Variants in ABCC11 observed in about 807,000 individuals in gnomAD.
ABCC11 encodes the protein ATP-binding cassette sub-family C member 11.
A neutral mutation model predicts 149.3 loss-of-function variants in ABCC11; 135 were observed. The ratio of observed to expected loss-of-function variants is 0.90; its 90% confidence interval spans 0.79 to 1.04. ABCC11 has a LOEUF of 1.04. Among genes scored for constraint, ABCC11 ranks in the 50% least tolerant of loss-of-function variants. The pLI is 0.00. For missense variants in ABCC11, 1,680 were observed against 1,722.1 expected (o/e 0.98, Z 0.43); for synonymous variants, 665 against 671.4 (o/e 0.99, Z 0.15).
At chr16:48,172,617 A>G (rs2150719328) in intron 26 of ABCC11, among the ~76,000 whole-genome samples, 1 of 152,264 alleles carries the variant, frequency 6.6e-6, no homozygotes, top group Admixed American at 6.5e-5. Context: ...TTTTTGAGGA[A>G]TTGCCAAATT....
chr16:48,222,575 A>G, intron 6 of ABCC11, 23 bp downstream of exon 6: 1 of 1,600,682 alleles, frequency 6.2e-7, no homozygotes. Context: ...CATGGCCCAG[A>G]ATAGGCAGTC....
At chr16:48,224,235 C>A (rs1421536996) in intron 5 of ABCC11, 47 bp downstream of exon 5, 35 of 1,593,318 alleles carry the variant, frequency 2.2e-5, no homozygotes, top group Non-Finnish European at 2.7e-5. Context: ...CATCGCTAAA[C>A]CTCTGAAGCC....
At chr16:48,217,152 T>C (rs1969399605) in intron 6 of ABCC11, among the ~76,000 whole-genome samples, 2 of 152,194 alleles carry the variant, frequency 1.3e-5, no homozygotes, top group Non-Finnish European at 2.9e-5. Flanking sequence ...CCCCTTTTGC[T>C]TGGTAACACC....
rs370646602 is a variant in ABCC11 at position 48,200,481 on chromosome 16, T to C, written c.1879-2A>G. The C allele has an allele frequency of 4.3e-6, 7 of 1,613,670 alleles. No homozygotes were observed. The highest frequency in any genetic ancestry group is 3.3e-5 in the Admixed American group (2 of 59,968). On this transcript the variant is annotated splice_acceptor_variant, in intron 14 of 29. Coordinates refer to ENST00000356608, the MANE Select transcript of ABCC11 (RefSeq NM_001370497.1). LOFTEE classifies it high-confidence loss of function. ...GAGGTTGAGGCCCCGCTCTCCAATCTGCAGACAGGCAGTAAAAGGCACCAT... is the reference window on the plus strand; with the variant it reads ...GAGGTTGAGGCCCCGCTCTCCAATCCGCAGACAGGCAGTAAAAGGCACCAT...
At chr16:48,214,804 G>T in intron 9 of ABCC11, 77 bp downstream of exon 9, 11 of 1,571,542 alleles carry the variant, frequency 7.0e-6, no homozygotes, top group Non-Finnish European at 9.6e-6. Flanking sequence ...AGACCTTTGA[G>T]GGGCATGGCT....
intron 1 of ABCC11, among the ~76,000 whole-genome samples, chr16:48,239,702 T>C (rs1970867431): frequency 6.6e-6 from 1 of 152,054 alleles, no homozygotes; most frequent in Non-Finnish European, 1.5e-5. Flanking sequence ...CTAAAGAGCT[T>C]CTGCACAGCA....
intron 4 of ABCC11, among the ~76,000 whole-genome samples, chr16:48,225,387 G>T (rs930294353): frequency 1.3e-5 from 2 of 152,192 alleles, no homozygotes; most frequent in African/African-American, 4.8e-5. Flanking sequence ...CTCTTGAGCT[G>T]CATTTTAATC....
At chr16:48,213,799 C>A (rs1056901811) in intron 9 of ABCC11, among the ~76,000 whole-genome samples, 1 of 152,166 alleles carries the variant, frequency 6.6e-6, no homozygotes, top group Non-Finnish European at 1.5e-5. Context: ...GGGCAGGTTG[C>A]CCCTACCACA....
Position 48,167,151 on chromosome 16 carries a change from A to G in ABCC11, c.*123T>C. On this transcript the variant is annotated 3_prime_UTR_variant, in exon 30 of 30. Coordinates refer to ENST00000356608, the MANE Select transcript of ABCC11 (RefSeq NM_001370497.1). ...AGCAATCCCCACCCCCCCTACATTT[A>G]CCCCTGCTTCCAGGAGAAGTTCTCA... is the stretch of plus-strand genomic sequence containing the variant. 2.6e-6 allele frequency: 1 copy of G among 378,042 alleles called. No homozygotes were observed. Among genetic ancestry groups the G allele is most frequent in the Non-Finnish European group, 5.3e-6 (1 of 188,120 alleles). 23.4% of individuals were successfully genotyped at this position (378,042 alleles called of 1,614,324 possible).
chr16:48,174,866 C>T (rs1965941681), intron 26 of ABCC11, among the ~76,000 whole-genome samples: 1 of 151,992 alleles, frequency 6.6e-6, no homozygotes, highest in Non-Finnish European at 1.5e-5. Flanking sequence ...TGTTGTGTTG[C>T]CCAGGTTGGA....
intron 1 of ABCC11, among the ~76,000 whole-genome samples, chr16:48,246,749 A>T (rs1028811872): frequency 2.6e-5 from 4 of 151,864 alleles, no homozygotes; most frequent in African/African-American, 9.7e-5. Context: ...TAATTTTTAA[A>T]TTTTTTGTAG....
chr16:48,180,625 A>G (rs1324490484), intron 23 of ABCC11, among the ~76,000 whole-genome samples: 1 of 152,180 alleles, frequency 6.6e-6, no homozygotes, highest in Non-Finnish European at 1.5e-5. Flanking sequence ...CCTGCCTCCC[A>G]ATGCTCGAAT....
At chr16:48,173,194 A>G (rs183753419) in intron 26 of ABCC11, among the ~76,000 whole-genome samples, 2 of 152,280 alleles carry the variant, frequency 1.3e-5, no homozygotes, top group African/African-American at 2.4e-5. Flanking sequence ...TGGCATCAAG[A>G]CATTCAGAGA....
rs141323816 is a variant in ABCC11, at chr16:48,184,605, C to A, written c.3093G>T (p.Ala1031=). The change falls in exon 23 of 30, where the codon GCG becomes GCT. Residue 1031 remains alanine, a synonymous_variant. Transcript: ENST00000356608. The part of the protein sequence containing the change: ...FISQFKRLTD[A]QNNYLLLFLS... ...GAAACAACAGCAGGTAGTTATTCTG[C>A]GCATCAGTCAGCCTCTTAAACCTGA... 1.2e-6 allele frequency: 2 copies of A among 1,613,976 alleles called. No individual in the cohort carries two copies. Among genetic ancestry groups the A allele is most frequent in the East Asian group, 4.5e-5 (2 of 44,900 alleles).
At chr16:48,217,053 C>T (rs546509975) in intron 6 of ABCC11, among the ~76,000 whole-genome samples, 1 of 152,264 alleles carries the variant, frequency 6.6e-6, no homozygotes. Context: ...GGACTCCTGT[C>T]TCCTTGTGAG....
rs1336228581 is a variant in ABCC11 at position 48,224,273 on chromosome 16, G to A, written c.543+9C>T. Reference sequence around the variant, plus strand: ...GAGTCCCCCAAACCTCACCAAGTCTGCCACTTACTGGCCCGAGTACACTGG... The same window carrying A: ...GAGTCCCCCAAACCTCACCAAGTCTACCACTTACTGGCCCGAGTACACTGG... On this transcript the variant is annotated intron_variant, in intron 5 of 29. Coordinates refer to ENST00000356608, the MANE Select transcript of ABCC11 (RefSeq NM_001370497.1). 6.2e-7 allele frequency: 1 copy of A among 1,613,464 alleles called. No individual in the cohort carries two copies.
chr16:48,184,035 C>T (rs537540403), intron 23 of ABCC11, among the ~76,000 whole-genome samples: 3 of 152,304 alleles, frequency 2.0e-5, no homozygotes, highest in Non-Finnish European at 2.9e-5. Flanking sequence ...AGGATAGGAA[C>T]GGTTAGGTAC....
chr16:48,245,582 A>T (rs1368510662), intron 1 of ABCC11, among the ~76,000 whole-genome samples: 1 of 152,210 alleles, frequency 6.6e-6, no homozygotes, highest in Non-Finnish European at 1.5e-5. Context: ...TTTAGCATTG[A>T]AAGTCCTATG....
chr16:48,225,060 C>T (rs929089404), intron 4 of ABCC11, among the ~76,000 whole-genome samples: 2 of 142,928 alleles, frequency 1.4e-5, no homozygotes, highest in African/African-American at 5.4e-5. Context: ...AAAATAGTAA[C>T]AATAAAATAA....
Sources: gnomAD v4.1 joint callset for allele counts (sites outside exome capture counted in the v4.1 genomes callset) on GRCh38, gnomAD v4.1.1 for gene constraint, MANE v1.5 for transcripts, NCBI Gene and HGNC (gene_info 2026-07-23, HGNC 2026-07-21) for gene names.